SP110: variants seen among roughly 807,000 people sequenced by gnomAD.
SP110 encodes interferon-induced protein 41, 30kD.
In SP110, 62 loss-of-function variants were observed where a neutral mutation model predicts 92.7. That is an observed-to-expected ratio of 0.67 (90% CI 0.55 to 0.83). SP110 has a LOEUF of 0.83. SP110 is among the 40% of genes least tolerant of loss of function. The probability of loss-of-function intolerance (pLI) is 0.00; values close to 1 mark genes in which losing one functional copy is unlikely to be tolerated. For synonymous variants in SP110, 273 were observed against 305.3 expected (o/e 0.89, Z 1.10); for missense variants, 793 against 863.9 (o/e 0.92, Z 1.03).
intron 10 of SP110, among the ~76,000 whole-genome samples, chr2:230,195,173 A>G (rs2042812190): frequency 6.6e-6 from 1 of 151,988 alleles, no homozygotes; most frequent in Admixed American, 6.5e-5. Context: ...CAATGTCATT[A>G]CTTTTTTAAG....
At chr2:230,177,098 AGTT>A (rs2148712606) in intron 14 of SP110, among the ~76,000 whole-genome samples, 1 of 152,268 alleles carries the variant, frequency 6.6e-6, no homozygotes, top group African/African-American at 2.4e-5. Context: ...CATAGACACT[AGTT>A]GTTCTCAGGA....
At chr2:230,192,174 T>G (rs2042664115) in intron 10 of SP110, among the ~76,000 whole-genome samples, 1 of 152,162 alleles carries the variant, frequency 6.6e-6, no homozygotes, top group Non-Finnish European at 1.5e-5. Context: ...CCACAGCCAA[T>G]ATCATATAAA....
chr2:230,170,715 AG>A lies in SP110; in HGVS notation c.1933del (p.Leu645TrpfsTer6), dbSNP rs2106343198. The A allele has an allele frequency of 6.2e-7, 1 of 1,614,070 alleles. No homozygotes were observed. ...TTCCGTAATCAGCCTTTCCTTAACC[AG>A]GTCCAACCACATTGCTTCCTGAAAG... The part of the protein sequence containing the change: ...EPFQEAMWLD[L>X]VKERLITEMY... On this transcript the variant is annotated frameshift_variant, in exon 18 of 19. Transcript: ENST00000258381. LOFTEE classifies it high-confidence loss of function.
At chr2:230,176,552 A>G in intron 14 of SP110, 1 of 1,602,590 alleles carries the variant, frequency 6.2e-7, no homozygotes. Flanking sequence ...ATTGTTTTGA[A>G]GATGCCATGC....
chr2:230,185,600 C>T (rs2042320663), intron 11 of SP110, among the ~76,000 whole-genome samples: 1 of 152,232 alleles, frequency 6.6e-6, no homozygotes, highest in African/African-American at 2.4e-5. Flanking sequence ...CAAGCAACTT[C>T]ACTTCTAGAA....
At chr2:230,190,335 G>A (rs1242105144) in intron 10 of SP110, among the ~76,000 whole-genome samples, 1 of 105,250 alleles carries the variant, frequency 9.5e-6, no homozygotes, top group Non-Finnish European at 1.9e-5. Flanking sequence ...TATGTTTGTT[G>A]GCTACGTAAA....
At chr2:230,177,818 G>A in intron 13 of SP110, 138 bp from the exon 14 acceptor site, 1 of 998,446 alleles carries the variant, frequency 1.0e-6, no homozygotes, top group Non-Finnish European at 1.6e-6. Context: ...TAGCAGGGGA[G>A]TCTGCGGGCC....
At chr2:230,176,503 G>A in intron 14 of SP110, 1 of 1,529,274 alleles carries the variant, frequency 6.5e-7, no homozygotes, top group South Asian at 1.3e-5. Flanking sequence ...TTATTTTAGA[G>A]TCATTTGCTT....
At chr2:230,191,715 T>C (rs1356445253) in intron 10 of SP110, among the ~76,000 whole-genome samples, 1 of 152,150 alleles carries the variant, frequency 6.6e-6, no homozygotes, top group East Asian at 1.9e-4. Context: ...AAAGAGGAGC[T>C]GGTACCATTA....
chr2:230,170,644 G>A lies in SP110; in HGVS notation c.2005C>T (p.Arg669Cys), dbSNP rs200893271. 1.7e-5 allele frequency: 27 copies of A among 1,614,070 alleles called. No homozygotes were observed. The highest frequency in any genetic ancestry group is 1.6e-4 in the Middle Eastern group (1 of 6,062). The change falls in exon 18 of 19, where the codon CGC becomes TGC. Residue 669 changes from arginine to cysteine, a missense_variant. Physicochemically the swap from Arg to Cys is radical, Grantham distance 180. Coordinates refer to ENST00000258381, the MANE Select transcript of SP110 (RefSeq NM_080424.4). Reference sequence around the variant, plus strand: ...ACCTTGTAAAATGTTTTATGGTTGCGAAACATCAGGCGCATGTCTCGCACA... The same window carrying A: ...ACCTTGTAAAATGTTTTATGGTTGCAAAACATCAGGCGCATGTCTCGCACA... ...WFVRDMRLMF[R>C]NHKTFYKASD...
chr2:230,172,475 TG>T, intron 15 of SP110: 1 of 544,064 alleles, frequency 1.8e-6, no homozygotes, highest in Non-Finnish European at 3.3e-6. Flanking sequence ...TGTCAGAATC[TG>T]GGCTTTCACC....
At chr2:230,209,748 T>C (rs2044263538) in intron 7 of SP110, among the ~76,000 whole-genome samples, 183 bp downstream of exon 7, 1 of 152,224 alleles carries the variant, frequency 6.6e-6, no homozygotes, top group Non-Finnish European at 1.5e-5. Context: ...GCCTTCTGGT[T>C]TCCTGATAAT....
chr2:230,211,324 C>A lies in SP110; in HGVS notation c.751+146G>T. On this transcript the variant is annotated intron_variant, in intron 6 of 18. Coordinates refer to ENST00000258381, the MANE Select transcript of SP110 (RefSeq NM_080424.4). The surrounding 1 kb of genome is among the most constrained non-coding windows in gnomAD (Gnocchi z 4.2). Reference sequence around the variant, plus strand: ...AGGTCGGGTCTCCTGCCTGTTCAAGCTCCCAAGTGCTGGGTGAACTGGAAG... The same window carrying A: ...AGGTCGGGTCTCCTGCCTGTTCAAGATCCCAAGTGCTGGGTGAACTGGAAG... 2 of 700,476 alleles carry A rather than the reference C, an allele frequency of 2.9e-6. No homozygotes were observed. Among genetic ancestry groups the A allele is most frequent in the East Asian group, 2.6e-5 (1 of 37,828 alleles). The allele number at this position is 700,476 out of a possible 1,614,324, so 43.4% of individuals were successfully genotyped here.
At chr2:230,208,387 G>A (rs994638642) in intron 7 of SP110, among the ~76,000 whole-genome samples, 2 of 152,210 alleles carry the variant, frequency 1.3e-5, no homozygotes, top group Non-Finnish European at 2.9e-5. Flanking sequence ...TACATGTAAT[G>A]CAGATTCTTG....
Position 230,171,776 on chromosome 2 carries a change from T to C in SP110, c.1816-9A>G, listed in dbSNP as rs754574451. 50 of 1,605,510 alleles carry C rather than the reference T, an allele frequency of 3.1e-5. 1 individual carries two copies. Among genetic ancestry groups the C allele is most frequent in the Admixed American group, 6.7e-5 (4 of 59,988 alleles). On this transcript the variant is annotated splice_polypyrimidine_tract_variant and intron_variant, in intron 16 of 18. Transcript: ENST00000258381. ...AGGAGGAACTCACATTTCTGTAAAA[T>C]GTGAAGAGGGCTTGAAAGTGAAATG...
chr2:230,220,916 G>A (rs2045759458), upstream of SP110, among the ~76,000 whole-genome samples: 1 of 152,098 alleles, frequency 6.6e-6, no homozygotes, highest in African/African-American at 2.4e-5. Context: ...GGAGGCTGAG[G>A]CTGGAGACTT....
chr2:230,220,407 AAC>A (rs1202798064), upstream of SP110, among the ~76,000 whole-genome samples: 1 of 152,190 alleles, frequency 6.6e-6, no homozygotes, highest in Admixed American at 6.5e-5. Context: ...AAACTCTAAC[AAC>A]ACACAAAAAA....
intron 8 of SP110, chr2:230,203,813 T>C (rs1367393753): frequency 6.6e-6 from 1 of 152,216 alleles, no homozygotes; most frequent in African/African-American, 2.4e-5. Context: ...AATATGACTC[T>C]TAAAAATATC....
At chr2:230,175,042 A>T (rs918779120) in intron 14 of SP110, among the ~76,000 whole-genome samples, 1 of 149,180 alleles carries the variant, frequency 6.7e-6, no homozygotes, top group Non-Finnish European at 1.5e-5. Flanking sequence ...GATTTTAAAG[A>T]TTTTTTTTTT....
Sources: gnomAD v4.1 joint callset for allele counts (sites outside exome capture counted in the v4.1 genomes callset) on GRCh38, gnomAD v4.1.1 for gene constraint, Gnocchi (gnomAD v3.1) non-coding constraint, MANE v1.5 for transcripts, NCBI Gene and HGNC (gene_info 2026-07-23, HGNC 2026-07-21) for gene names.